FBN2: variants seen among roughly 807,000 people sequenced by gnomAD.
FBN2 encodes the protein fibrillin 2.
A neutral mutation model predicts 355.6 loss-of-function variants in FBN2; 105 were observed. That is an observed-to-expected ratio of 0.30 (90% CI 0.25 to 0.35). The LOEUF is 0.35. FBN2 is among the 10% of genes least tolerant of loss of function. The pLI, the probability that FBN2 is intolerant of heterozygous loss-of-function variation, is 1.00. For missense variants in FBN2, 3,280 were observed against 3,758.7 expected (o/e 0.87, Z 3.33); for synonymous variants, 1,350 against 1,301.2 (o/e 1.04, Z -0.81).
At chr5:128,421,585 C>A (rs1753351488) in intron 7 of FBN2, among the ~76,000 whole-genome samples, 1 of 152,044 alleles carries the variant, frequency 6.6e-6, no homozygotes, top group Non-Finnish European at 1.5e-5. Context: ...TGATTGGAAT[C>A]TATGGGTATA....
At position 128,289,870 on chromosome 5, in the gene FBN2, A is replaced by T. The variant is rs1339398978; in HGVS notation, c.6511+12T>A. 1 of 1,507,982 alleles carries T rather than the reference A, an allele frequency of 6.6e-7. No individual in the cohort carries two copies. 93.4% of individuals were successfully genotyped at this position (1,507,982 alleles called of 1,614,324 possible). A position where few individuals can be genotyped will look rare whatever the true frequency, so the allele number is the denominator to read the frequency against. On this transcript the variant is annotated intron_variant, in intron 51 of 64. Coordinates refer to ENST00000262464, the MANE Select transcript of FBN2 (RefSeq NM_001999.4). ...AAATAAGAATATAGGAATAAAATAT[A>T]TCAAAGCGTACCTTCACGTGTATCA...
At chr5:128,470,235 A>G (rs1306507589) in intron 5 of FBN2, among the ~76,000 whole-genome samples, 1 of 152,212 alleles carries the variant, frequency 6.6e-6, no homozygotes, top group East Asian at 1.9e-4. Flanking sequence ...AATGCTGCTG[A>G]GCAGCCAAAT....
At chr5:128,537,207 CTT>C in intron 1 of FBN2, 141 bp downstream of exon 1, 1 of 1,401,118 alleles carries the variant, frequency 7.1e-7, no homozygotes, top group Non-Finnish European at 9.5e-7. Flanking sequence ...TCCTGGGGGT[CTT>C]TGGATATTCT....
At chr5:128,388,689 C>A (rs1240221034) in intron 11 of FBN2, among the ~76,000 whole-genome samples, 3 of 152,080 alleles carry the variant, frequency 2.0e-5, no homozygotes, top group Non-Finnish European at 4.4e-5. Context: ...TTGTAGGGTT[C>A]CTGCTGAAAG....
Position 128,305,535 on chromosome 5 carries a change from G to A in FBN2, c.5650C>T (p.Leu1884Phe), listed in dbSNP as rs1475802162. 4.3e-6 allele frequency: 7 copies of A among 1,613,972 alleles called. No homozygotes were observed. The highest frequency in any genetic ancestry group is 1.1e-5 in the South Asian group (1 of 91,088). The change falls in exon 44 of 65, where the codon CTT (leucine) becomes TTT (phenylalanine). Residue 1884 changes from leucine (L) to phenylalanine (F), a missense_variant. Leu to Phe is a conservative substitution (Grantham distance 22). Transcript: ENST00000262464. ...CCTACACAGGCCCCATTGGGTGAAA[G>A]TTTGAAACCCGCGGCACATTCACAG... is the stretch of plus-strand genomic sequence containing the variant. ...YRCECAAGFK[L>F]SPNGACVDRN...
chr5:128,351,155 G>A, intron 20 of FBN2, 150 bp from the exon 21 acceptor site: 1 of 946,272 alleles, frequency 1.1e-6, no homozygotes, highest in Admixed American at 2.0e-5. Flanking sequence ...GGCTGAGGAG[G>A]AAGGATCATT....
intron 6 of FBN2, among the ~76,000 whole-genome samples, chr5:128,447,185 C>A (rs536783941): frequency 1.1e-4 from 17 of 152,204 alleles, no homozygotes; most frequent in Admixed American, 2.0e-4. Context: ...GAAATCTAGG[C>A]ACCTTGAAAA....
chr5:128,496,080 A>AT (rs1755648298), intron 5 of FBN2, among the ~76,000 whole-genome samples: 1 of 152,144 alleles, frequency 6.6e-6, no homozygotes, highest in African/African-American at 2.4e-5. Context: ...CCAGGCCCAG[A>AT]TGGCTTTACT....
At chr5:128,277,858 A>T (rs1013655545) in intron 58 of FBN2, 22 bp downstream of exon 58, 2 of 1,613,906 alleles carry the variant, frequency 1.2e-6, no homozygotes, top group Non-Finnish European at 1.7e-6. Flanking sequence ...AAACCCCTGG[A>T]TATAGAGGTG....
intron 20 of FBN2, among the ~76,000 whole-genome samples, chr5:128,353,398 A>G (rs921147517): frequency 6.6e-6 from 1 of 152,206 alleles, no homozygotes; most frequent in African/African-American, 2.4e-5. Context: ...CAAAGGTGTG[A>G]AAAAGAGCTG....
chr5:128,320,445 C>G (rs1750338704), intron 34 of FBN2, among the ~76,000 whole-genome samples: 1 of 152,144 alleles, frequency 6.6e-6, no homozygotes, highest in South Asian at 2.1e-4. Flanking sequence ...AACTCCTGGG[C>G]TCATGGGATC....
At chr5:128,372,972 G>T (rs965396848) in intron 15 of FBN2, among the ~76,000 whole-genome samples, 5 of 152,098 alleles carry the variant, frequency 3.3e-5, no homozygotes, top group African/African-American at 7.2e-5. Flanking sequence ...GTGACATCAA[G>T]TCAAAAGACA....
chr5:128,463,136 A>G (rs1044824371), intron 6 of FBN2, among the ~76,000 whole-genome samples: 2 of 152,142 alleles, frequency 1.3e-5, no homozygotes, highest in African/African-American at 4.8e-5. Flanking sequence ...TATTTTTAAT[A>G]ATAATCTATA....
At chr5:128,384,057 T>C (rs1184499355) in intron 11 of FBN2, among the ~76,000 whole-genome samples, 3 of 152,084 alleles carry the variant, frequency 2.0e-5, no homozygotes, top group Non-Finnish European at 2.9e-5. Context: ...CTTGGGAATA[T>C]ATAAATAAAC....
intron 7 of FBN2, among the ~76,000 whole-genome samples, chr5:128,412,577 C>T (rs1753098984): frequency 1.3e-5 from 2 of 152,108 alleles, no homozygotes; most frequent in African/African-American, 4.8e-5. Context: ...TAATAAACAA[C>T]AACAACAACA....
Position 128,261,744 on chromosome 5 carries a change from G to A in FBN2, c.8356C>T (p.Pro2786Ser), listed in dbSNP as rs777889699. ...GAGTGGGATATACTCACAGCAGTGG[G>A]ATCAGGTTCATGAATACTTCTCTTC... ...RQKRSIHEPD[P>S]TAVEQISLES... The change falls in exon 64 of 65, where the codon CCC becomes TCC. Residue 2786 changes from proline (P) to serine (S), a missense_variant. By Grantham distance (74) the Pro-to-Ser change is moderately conservative. Coordinates refer to ENST00000262464, the MANE Select transcript of FBN2 (RefSeq NM_001999.4). 1.9e-6 allele frequency: 3 copies of A among 1,614,018 alleles called. No homozygotes were observed. The African/African-American group carries it at 4.0e-5, about 22-fold the overall frequency.
At chr5:128,306,028 T>A (rs1303817381) in intron 42 of FBN2, 80 bp from the exon 43 acceptor site, 8 of 1,317,936 alleles carry the variant, frequency 6.1e-6, no homozygotes, top group African/African-American at 1.4e-5. Context: ...ATGCTACATG[T>A]ACCCTGGGAT....
At position 128,345,397 on chromosome 5, in the gene FBN2, A is replaced by T. The variant is rs755961856; in HGVS notation, c.3177T>A (p.Ala1059=). 1 of 1,614,194 alleles carries T rather than the reference A, an allele frequency of 6.2e-7. No individual in the cohort carries two copies. The highest frequency in any genetic ancestry group is 2.2e-5 in the East Asian group (1 of 44,870). The change falls in exon 24 of 65, where the codon GCT becomes GCA. Residue 1059 remains alanine (A), a synonymous_variant. Transcript: ENST00000262464. ...ETLCPRGAGF[A]NRGDVLTGRP... ...GCCCAGTAAGAACATCCCCTCGGTT[A>T]GCAAAGCCAGCCCCGCGGGGGCACA...
At chr5:128,323,273 G>A (rs1750439064) in intron 34 of FBN2, among the ~76,000 whole-genome samples, 1 of 152,088 alleles carries the variant, frequency 6.6e-6, no homozygotes, top group Non-Finnish European at 1.5e-5. Context: ...TGATTGCCCT[G>A]GCCAGAACTT....
Sources: allele counts gnomAD v4.1 joint callset (sites outside exome capture counted in the v4.1 genomes callset), GRCh38; gene constraint gnomAD v4.1.1; transcripts MANE v1.5; gene names NCBI Gene and HGNC (gene_info 2026-07-23, HGNC 2026-07-21).